GRIK1: variants seen among roughly 807,000 people sequenced by gnomAD.
The protein encoded by GRIK1 is glutamate ionotropic receptor kainate type subunit 1, also known as glutamate receptor ionotropic, kainate 1.
In GRIK1, 69 loss-of-function variants were observed where a neutral mutation model predicts 105.7. That is an observed-to-expected ratio of 0.65 (90% CI 0.54 to 0.80). The LOEUF (loss-of-function observed/expected upper bound fraction) is 0.80. GRIK1 is among the 30% of genes least tolerant of loss of function. The pLI is 0.00. For synonymous variants in GRIK1, 438 were observed against 431.3 expected, an observed-to-expected ratio of 1.02 and a Z score of -0.19; for missense variants, 1,109 against 1,167.3, an observed-to-expected ratio of 0.95 and a Z score of 0.73.
At chr21:29,923,819 G>A (rs867820191) in intron 1 of GRIK1, among the ~76,000 whole-genome samples, 1 of 152,034 alleles carries the variant, frequency 6.6e-6, no homozygotes, top group Admixed American at 6.5e-5. Flanking sequence ...GCTTTTCTAA[G>A]AGGAGATGAT....
chr21:29,724,514 A>C (rs1276313317), intron 1 of GRIK1, among the ~76,000 whole-genome samples: 6 of 152,234 alleles, frequency 3.9e-5, no homozygotes, highest in African/African-American at 1.4e-4. Flanking sequence ...GAAGTGTTAA[A>C]ATATGCAAGA....
chr21:29,822,639 C>G (rs534269140), intron 1 of GRIK1, among the ~76,000 whole-genome samples: 1 of 152,086 alleles, frequency 6.6e-6, no homozygotes, highest in South Asian at 2.1e-4. Flanking sequence ...ATAATCTCCT[C>G]TTTCTTGTGG....
At chr21:29,800,991 C>T (rs2066692021) in intron 1 of GRIK1, among the ~76,000 whole-genome samples, 1 of 152,094 alleles carries the variant, frequency 6.6e-6, no homozygotes, top group South Asian at 2.1e-4. Context: ...GGGCCATGAT[C>T]TCACTGAAAA....
intron 1 of GRIK1, among the ~76,000 whole-genome samples, chr21:29,886,388 A>G (rs1033721745): frequency 1.3e-4 from 20 of 152,114 alleles, no homozygotes; most frequent in Non-Finnish European, 2.2e-4. Context: ...AGTTTTGAAG[A>G]TATAGAACTG....
At chr21:29,674,203 T>G (rs1214181128) in intron 3 of GRIK1, among the ~76,000 whole-genome samples, 3 of 151,936 alleles carry the variant, frequency 2.0e-5, no homozygotes, top group Admixed American at 2.0e-4. Context: ...AGATTCAGCA[T>G]GTATTCCAGC....
chr21:29,918,338 C>T (rs180786148), intron 1 of GRIK1, among the ~76,000 whole-genome samples: 179 of 152,190 alleles, frequency 1.2e-3, no homozygotes, highest in Admixed American at 4.1e-3. Flanking sequence ...ACAAGCTCAA[C>T]TAATCTTTTC....
intron 1 of GRIK1, among the ~76,000 whole-genome samples, chr21:29,871,983 T>C (rs1184551562): frequency 6.6e-6 from 1 of 151,358 alleles, no homozygotes; most frequent in African/African-American, 2.4e-5. Context: ...AGGCTGGTCT[T>C]GAACTCCTGA....
At chr21:29,854,834 AG>A (rs1486033390) in intron 1 of GRIK1, among the ~76,000 whole-genome samples, 1 of 152,010 alleles carries the variant, frequency 6.6e-6, no homozygotes, top group Non-Finnish European at 1.5e-5. Flanking sequence ...TAAACAGTCA[AG>A]GGGTCATCAT....
chr21:29,912,743 G>A (rs1027762515), intron 1 of GRIK1, among the ~76,000 whole-genome samples: 1 of 152,028 alleles, frequency 6.6e-6, no homozygotes, highest in South Asian at 2.1e-4. Context: ...TCCAGGGGTT[G>A]AGACCTGGTT....
intron 1 of GRIK1, among the ~76,000 whole-genome samples, chr21:29,809,241 G>A (rs1035956958): frequency 6.6e-6 from 1 of 152,082 alleles, no homozygotes; most frequent in African/African-American, 2.4e-5. Flanking sequence ...GAAATATTGT[G>A]GGGTCGGTTC....
chr21:29,612,774 C>T (rs2061757806), intron 7 of GRIK1, among the ~76,000 whole-genome samples: 1 of 152,130 alleles, frequency 6.6e-6, no homozygotes, highest in Non-Finnish European at 1.5e-5. Flanking sequence ...AATCACATTG[C>T]ATTTACAATT....
At chr21:29,819,656 T>C (rs867692851) in intron 1 of GRIK1, among the ~76,000 whole-genome samples, 70 of 151,998 alleles carry the variant, frequency 4.6e-4, no homozygotes, top group African/African-American at 1.7e-3. Flanking sequence ...AACTAACTTC[T>C]ATAAGGTCAT....
chr21:29,922,187 A>G (rs1334155840), intron 1 of GRIK1, among the ~76,000 whole-genome samples: 1 of 152,160 alleles, frequency 6.6e-6, no homozygotes. Context: ...GTTATATTAG[A>G]TATAACTACC....
intron 1 of GRIK1, among the ~76,000 whole-genome samples, chr21:29,898,901 G>T (rs2070280126): frequency 6.6e-6 from 1 of 152,074 alleles, no homozygotes; most frequent in Non-Finnish European, 1.5e-5. Context: ...GAACCTGGGA[G>T]GTGGAGGTTG....
intron 1 of GRIK1, among the ~76,000 whole-genome samples, chr21:29,712,083 TACACAC>T (rs56017389): frequency 7.2e-4 from 98 of 135,368 alleles, no homozygotes; most frequent in African/African-American, 1.3e-3. Context: ...TATACATACA[TACACAC>T]ACACACACAC....
intron 1 of GRIK1, among the ~76,000 whole-genome samples, chr21:29,867,684 C>T (rs1465593211): frequency 6.6e-6 from 1 of 152,010 alleles, no homozygotes; most frequent in East Asian, 1.9e-4. Context: ...ATCCCAGGTA[C>T]TTGGGAAGCT....
intron 1 of GRIK1, among the ~76,000 whole-genome samples, chr21:29,753,890 A>G (rs964279342): frequency 6.6e-6 from 1 of 152,096 alleles, no homozygotes; most frequent in Non-Finnish European, 1.5e-5. Flanking sequence ...AGTTATGTAG[A>G]TCATATGTAC....
intron 3 of GRIK1, among the ~76,000 whole-genome samples, chr21:29,677,325 A>T (rs2063288610): frequency 6.6e-6 from 1 of 152,222 alleles, no homozygotes; most frequent in Non-Finnish European, 1.5e-5. Flanking sequence ...AGCTTCTTCC[A>T]CTTCTATCCC....
At chr21:29,938,441 A>T (rs2832496) in intron 1 of GRIK1, among the ~76,000 whole-genome samples, 103,961 of 152,112 alleles carry the variant, frequency 0.68, 35,744 homozygotes, top group East Asian at 0.83. Flanking sequence ...GGTTTAGTTT[A>T]AAAGGCGAAG....
Sources: gnomAD v4.1 joint callset for allele counts (sites outside exome capture counted in the v4.1 genomes callset) on GRCh38, gnomAD v4.1.1 for gene constraint, MANE v1.5 for transcripts, NCBI Gene and HGNC (gene_info 2026-07-23, HGNC 2026-07-21) for gene names.